Variants in ATP10D observed in about 807,000 individuals in gnomAD.
The protein encoded by ATP10D is ATPase phospholipid transporting 10D (putative), also known as phospholipid-transporting ATPase VD.
ATP10D carries 89 observed loss-of-function variants against 144.8 expected under a neutral mutation model. The observed-to-expected ratio is 0.61, with a 90% confidence interval of 0.52 to 0.73. ATP10D has a LOEUF of 0.73. ATP10D is among the 30% of genes least tolerant of loss of function. ATP10D has a pLI of 0.00. For missense variants in ATP10D, 1,603 were observed against 1,714.8 expected, an observed-to-expected ratio of 0.93 and a Z score of 1.15; for synonymous variants, 571 against 615.1, an observed-to-expected ratio of 0.93 and a Z score of 1.06.
intron 15 of ATP10D, among the ~76,000 whole-genome samples, chr4:47,564,653 T>G (rs954192158): frequency 6.6e-6 from 1 of 152,176 alleles, no homozygotes; most frequent in African/African-American, 2.4e-5. Flanking sequence ...TTAGGAGGCT[T>G]AGACTCAGCC....
At chr4:47,571,051 T>C (rs1719924105) in intron 16 of ATP10D, among the ~76,000 whole-genome samples, 2 of 151,952 alleles carry the variant, frequency 1.3e-5, no homozygotes, top group South Asian at 4.1e-4. Context: ...ACTCCTGGGT[T>C]TCCATCCTAT....
chr4:47,557,759 A>C lies in ATP10D; in HGVS notation c.1920A>C (p.Pro640=). 6.2e-7 allele frequency: 1 copy of C among 1,614,218 alleles called. No individual in the cohort carries two copies. Among genetic ancestry groups the C allele is most frequent in the Non-Finnish European group, 8.5e-7 (1 of 1,180,034 alleles). Residue 640 remains proline (P), a synonymous_variant, in exon 12 of 23, where the codon CCA becomes CCC. Coordinates refer to ENST00000273859, the MANE Select transcript of ATP10D (RefSeq NM_020453.4). ...GGTCTGTCCGAAGATCAAGTTCTCC[A>C]TCGCTTAACAGTGGGAAAGAGCCAT... ...QRWSVRRSSS[P]SLNSGKEPSS... is the part of the protein sequence containing the mutation.
At chr4:47,564,946 T>G (rs1338383282) in intron 15 of ATP10D, among the ~76,000 whole-genome samples, 1 of 152,150 alleles carries the variant, frequency 6.6e-6, no homozygotes, top group Admixed American at 6.5e-5. Flanking sequence ...CCATGATTGG[T>G]TAACATGTTT....
intron 20 of ATP10D, among the ~76,000 whole-genome samples, chr4:47,580,880 A>G (rs960074057): frequency 1.3e-5 from 2 of 152,092 alleles, no homozygotes; most frequent in African/African-American, 2.4e-5. Flanking sequence ...TGCACAACAT[A>G]GTGAGGCCAC....
At chr4:47,491,387 A>T in intron 1 of ATP10D, 1 of 731,522 alleles carries the variant, frequency 1.4e-6, no homozygotes, top group African/African-American at 1.7e-5. Context: ...TGGCCAAAGG[A>T]ACAACTCCAT....
At chr4:47,554,532 T>A (rs1234968005) in intron 10 of ATP10D, among the ~76,000 whole-genome samples, 194 bp from the exon 11 acceptor site, 1 of 152,234 alleles carries the variant, frequency 6.6e-6, no homozygotes, top group African/African-American at 2.4e-5. Flanking sequence ...GGATTATCCA[T>A]TTGTTTTTAT....
At chr4:47,508,251 C>T (rs1185486187) in intron 1 of ATP10D, among the ~76,000 whole-genome samples, 1 of 152,116 alleles carries the variant, frequency 6.6e-6, no homozygotes, top group African/African-American at 2.4e-5. Context: ...TTTGATTGTT[C>T]GGTTTTCTGT....
chr4:47,582,047 A>G lies in ATP10D; in HGVS notation c.3736A>G (p.Ile1246Val), dbSNP rs1433792203. Residue 1246 changes from isoleucine (I) to valine (V), a missense_variant, in exon 21 of 23, where the codon ATT becomes GTT. Transcript: ENST00000273859. ...GTTCATCGTTCTCCTCCATCTGGTC[A>G]TTGAAAGCAAGAGTTTGGTGAGTGG... ...ALFIVLLHLV[I>V]ESKSLTWIHL... 1.9e-6 allele frequency: 3 copies of G among 1,613,774 alleles called. No individual in the cohort carries two copies. The highest frequency in any genetic ancestry group is 1.7e-5 in the Admixed American group (1 of 60,020).
In ATP10D at chr4:47,546,691, T is replaced by G. The variant is rs1353100152; in HGVS notation, c.1464T>G (p.Gly488=). 2 of 1,614,044 alleles carry G rather than the reference T, an allele frequency of 1.2e-6. No homozygotes were observed. Among genetic ancestry groups the G allele is most frequent in the Non-Finnish European group, 1.7e-6 (2 of 1,179,956 alleles). Residue 488 remains glycine, a synonymous_variant, in exon 10 of 23, where the codon GGT becomes GGG. Coordinates refer to ENST00000273859, the MANE Select transcript of ATP10D (RefSeq NM_020453.4). The part of the protein sequence containing the change: ...EDEDFIDTVS[G]SLSNMAKPRA... ...AAGATTTTATAGACACAGTCAGTGG[T>G]TCCCTCAGCAATATGGCAAAACCGA...
intron 1 of ATP10D, among the ~76,000 whole-genome samples, chr4:47,494,378 A>G (rs532244811): frequency 6.6e-6 from 1 of 152,230 alleles, no homozygotes; most frequent in East Asian, 1.9e-4. Context: ...CGATACGCCT[A>G]CTGTGACCAT....
At chr4:47,516,063 C>T (rs1226824173) in intron 3 of ATP10D, among the ~76,000 whole-genome samples, 2 of 152,050 alleles carry the variant, frequency 1.3e-5, no homozygotes, top group African/African-American at 4.8e-5. Flanking sequence ...AACCCTGTCT[C>T]TACTAAAAAT....
chr4:47,557,665 TCAGA>T lies in ATP10D; in HGVS notation c.1829_1832del (p.Arg610ThrfsTer47), dbSNP rs1167844210. ...ACCTTTCTAAATTGTCTTTCATAGA[TCAGA>T]CACCCTTCACTGGGGGGGTTGCCCA... On this transcript the variant is annotated frameshift_variant and splice_region_variant, in exon 12 of 23. Transcript: ENST00000273859. LOFTEE classifies it high-confidence loss of function. 1.9e-6 allele frequency: 3 copies of T among 1,605,124 alleles called. No individual in the cohort carries two copies. The highest frequency in any genetic ancestry group is 2.6e-6 in the Non-Finnish European group (3 of 1,173,416).
intron 1 of ATP10D, among the ~76,000 whole-genome samples, chr4:47,504,424 C>T (rs1715904006): frequency 6.6e-6 from 1 of 152,214 alleles, no homozygotes; most frequent in South Asian, 2.1e-4. Flanking sequence ...AGGAATCAGT[C>T]TCCCTGCAGT....
At position 47,591,147 on chromosome 4, in the gene ATP10D, G is replaced by T. The variant is rs1235452369; in HGVS notation, c.4047G>T (p.Lys1349Asn). 3 of 1,613,568 alleles carry T rather than the reference G, an allele frequency of 1.9e-6. No individual in the cohort carries two copies. Among genetic ancestry groups the T allele is most frequent in the Non-Finnish European group, 2.5e-6 (3 of 1,179,630 alleles). ...AGGAGAGGACTAAAGCTCTCAAGAA[G>T]TGGAGAGGGGCTGGAAAGATGAATC... ...TPEERTKALK[K>N]WRGAGKMNQV... Residue 1349 changes from lysine (K) to asparagine (N), a missense_variant, in exon 23 of 23, where the codon AAG becomes AAT. Lys to Asn is a moderately conservative substitution (Grantham distance 94). Transcript: ENST00000273859.
chr4:47,522,914 A>G (rs1717018445), intron 3 of ATP10D, 98 bp from the exon 4 acceptor site: 16 of 1,002,354 alleles, frequency 1.6e-5, no homozygotes, highest in Admixed American at 2.6e-5. Flanking sequence ...TACTTAATAT[A>G]TACTTTAAAT....
chr4:47,574,156 T>C (rs1387919948), intron 18 of ATP10D, among the ~76,000 whole-genome samples: 1 of 152,200 alleles, frequency 6.6e-6, no homozygotes, highest in African/African-American at 2.4e-5. Flanking sequence ...TTCTCCCCTA[T>C]TGTGGCAATA....
chr4:47,488,570 C>CA (rs1714891425), intron 1 of ATP10D, among the ~76,000 whole-genome samples: 1 of 63,914 alleles, frequency 1.6e-5, no homozygotes, highest in Non-Finnish European at 3.1e-5. Flanking sequence ...TTTATAATGA[C>CA]AAAATACCAC....
intron 19 of ATP10D, among the ~76,000 whole-genome samples, chr4:47,578,085 C>A (rs1254913911): frequency 1.3e-5 from 2 of 152,210 alleles, no homozygotes; most frequent in African/African-American, 4.8e-5. Flanking sequence ...TCTCACCAAT[C>A]CTTGTACACG....
At chr4:47,542,117 C>T (rs1387150301) in intron 9 of ATP10D, among the ~76,000 whole-genome samples, 1 of 134,500 alleles carries the variant, frequency 7.4e-6, no homozygotes, top group Non-Finnish European at 1.6e-5. Flanking sequence ...ATTTTTTTAA[C>T]ACAGGGTCTC....
Sources: gnomAD v4.1 joint callset for allele counts (sites outside exome capture counted in the v4.1 genomes callset) on GRCh38, gnomAD v4.1.1 for gene constraint, MANE v1.5 for transcripts, NCBI Gene and HGNC (gene_info 2026-07-23, HGNC 2026-07-21) for gene names.